WNT5B: variants seen among roughly 807,000 people sequenced by gnomAD.
WNT5B encodes Wnt family member 5B.
WNT5B carries 18 observed loss-of-function variants against 36.5 expected under a neutral mutation model. The ratio of observed to expected loss-of-function variants is 0.49; its 90% CI spans 0.34 to 0.73. The LOEUF (loss-of-function observed/expected upper bound fraction) is 0.73. Among genes scored for constraint, WNT5B ranks in the 30% least tolerant of loss-of-function variants. The probability of loss-of-function intolerance (pLI) is 0.01; values close to 1 mark genes in which losing one functional copy is unlikely to be tolerated. For missense variants in WNT5B, 424 were observed against 508.4 expected, an observed-to-expected ratio of 0.83 and a Z score of 1.60; for synonymous variants, 213 against 212.3, an observed-to-expected ratio of 1.00 and a Z score of -0.03.
At chr12:1,628,418 G>A (rs576993960), upstream of WNT5B, among the ~76,000 whole-genome samples, 124 of 152,182 alleles carry the variant, frequency 8.1e-4, no homozygotes, top group Middle Eastern at 3.4e-3. Context: ...TTGGCCCCCC[G>A]AAGAGCCCCG....
At chr12:1,636,502 T>C (rs1395313474) in intron 3 of WNT5B, among the ~76,000 whole-genome samples, 44 of 3,704 alleles carry the variant, frequency 0.012, no homozygotes, top group African/African-American at 0.022. Context: ...GCAGTCTATA[T>C]ATATATATAT....
chr12:1,642,785 C>T (rs1003866130), intron 4 of WNT5B, among the ~76,000 whole-genome samples: 1 of 152,206 alleles, frequency 6.6e-6, no homozygotes. Context: ...GGCTTGCTCA[C>T]CTTCCCTGTC....
chr12:1,626,082 G>A (rs1336232895), upstream of WNT5B, among the ~76,000 whole-genome samples: 2 of 149,424 alleles, frequency 1.3e-5, no homozygotes, highest in Non-Finnish European at 3.0e-5. Context: ...GGGCTCAAGC[G>A]ATCCTCTGGC....
At chr12:1,619,522 CATTGGTA>C (rs1213711015) in intron 1 of WNT5B, among the ~76,000 whole-genome samples, 1 of 152,134 alleles carries the variant, frequency 6.6e-6, no homozygotes, top group African/African-American at 2.4e-5. Context: ...CAGATAAAGT[CATTGGTA>C]CATTATTGGA....
rs916983282 is a variant in WNT5B at position 1,632,950 on chromosome 12, T to C, written c.328+45T>C. The C allele has an allele frequency of 1.3e-6, 2 of 1,563,184 alleles. No homozygotes were observed. Among genetic ancestry groups the C allele is most frequent in the Admixed American group, 3.5e-5 (2 of 57,044 alleles). On this transcript the variant is annotated intron_variant, in intron 3 of 4. Transcript: ENST00000397196. The surrounding 1 kb of genome is among the most constrained non-coding windows in gnomAD (Gnocchi z 5.8). The stretch of plus-strand genomic sequence containing the variant: ...GGGCTCGGCCAAGGAACTGCACTCG[T>C]CTCGTTTGGGAGCAATTAAGCTCTC...
rs1471314273 is a variant in WNT5B, at chr12:1,633,469, AG to A, written c.328+565del. 6.6e-6 allele frequency among the ~76,000 whole-genome samples: 1 copy of A among 152,176 alleles called. No individual in the cohort carries two copies. The highest frequency in any genetic ancestry group is 1.9e-4 in the East Asian group (1 of 5,192). On this transcript the variant is annotated intron_variant, in intron 3 of 4. Transcript: ENST00000397196. The surrounding 1 kb of genome is among the most constrained non-coding windows in gnomAD (Gnocchi z 4.8). ...AACATGGGGGAAGGGGTCAGACGAA[AG>A]AAAAGATGAGAGGGAGAGGGCCAAG...
chr12:1,641,700 AG>A (rs942477165), intron 4 of WNT5B, among the ~76,000 whole-genome samples: 1 of 152,008 alleles, frequency 6.6e-6, no homozygotes, highest in Non-Finnish European at 1.5e-5. Flanking sequence ...GCTACTTGGG[AG>A]GCCGAGGCAG....
chr12:1,637,174 C>T (rs1340936863), intron 3 of WNT5B, among the ~76,000 whole-genome samples: 3 of 152,090 alleles, frequency 2.0e-5, no homozygotes, highest in Non-Finnish European at 4.4e-5. Flanking sequence ...AATAATATTC[C>T]ATTGTATGGA....
In WNT5B at chr12:1,644,324, T is replaced by C. The variant is rs2094581390; in HGVS notation, c.622-1470T>C. Among the ~76,000 whole-genome samples, 1 of 152,192 alleles carries C rather than the reference T, an allele frequency of 6.6e-6. No individual in the cohort carries two copies. Among genetic ancestry groups the C allele is most frequent in the African/African-American group, 2.4e-5 (1 of 41,452 alleles). On this transcript the variant is annotated intron_variant, in intron 4 of 4. Transcript: ENST00000397196. The surrounding 1 kb of genome is among the most constrained non-coding windows in gnomAD (Gnocchi z 5.1). ...TTGGGGAGAGCCTTCCTTCCTCCTC[T>C]GCTCTAAGCCAGCTTTAAGCCCCGA...
At chr12:1,639,606 G>C (rs543208410) in intron 3 of WNT5B, 78 bp from the exon 4 acceptor site, 21 of 1,418,376 alleles carry the variant, frequency 1.5e-5, no homozygotes, top group Non-Finnish European at 1.7e-5. Flanking sequence ...GTGCGGGTCC[G>C]TCGGGGGAGA....
At chr12:1,639,155 T>A (rs961717295) in intron 3 of WNT5B, among the ~76,000 whole-genome samples, 4 of 151,950 alleles carry the variant, frequency 2.6e-5, no homozygotes, top group Admixed American at 6.6e-5. Flanking sequence ...TTCTTTTTTT[T>A]GAGACAGAGT....
In WNT5B at chr12:1,618,123, CAGTG is replaced by C. The variant is rs1184335279; in HGVS notation, c.-58+983_-58+986del. Among the ~76,000 whole-genome samples, 1 of 152,186 alleles carries C rather than the reference CAGTG, an allele frequency of 6.6e-6. No individual in the cohort carries two copies. The highest frequency in any genetic ancestry group is 1.5e-5 in the Non-Finnish European group (1 of 68,038). On this transcript the variant is annotated intron_variant, in intron 1 of 4. Coordinates refer to the WNT5B transcript ENST00000310594. The surrounding 1 kb of genome is among the most constrained non-coding windows in gnomAD (Gnocchi z 4.1). ...TGCCACCGTACTCCAGCCTGGGTGA[CAGTG>C]AGACGATGTCTCCAAAAAAGAAAAG...
chr12:1,639,665 C>CCCCGG lies in WNT5B; in HGVS notation c.329-17_329-16insCGGCC. The CCCCGG allele has an allele frequency of 3.3e-6, 5 of 1,510,538 alleles. 1 individual carries two copies. The East Asian group carries it at 7.2e-5, about 22-fold the overall frequency. The allele number at this position is 1,510,538 out of a possible 1,614,324, so 93.6% of individuals were successfully genotyped here. A position where few individuals can be genotyped will look rare whatever the true frequency, so the allele number is the denominator to read the frequency against. On this transcript the variant is annotated intron_variant, in intron 3 of 4. Transcript: ENST00000397196. ...GAGAGGAGAGCGCACCCGCTTACCG[C>CCCCGG]CCTGGCCTCATTCTGCAGGCAGCCG... is the stretch of plus-strand genomic sequence containing the variant.
chr12:1,627,928 C>T (rs1189625147), upstream of WNT5B, among the ~76,000 whole-genome samples: 3 of 152,130 alleles, frequency 2.0e-5, no homozygotes, highest in African/African-American at 7.2e-5. The surrounding 1 kb of genome is among the most constrained non-coding windows in gnomAD (Gnocchi z 5.0). Context: ...TGTTCACTGC[C>T]ATGTCTCTGG....
chr12:1,637,769 G>A (rs946753640), intron 3 of WNT5B, among the ~76,000 whole-genome samples: 3 of 150,992 alleles, frequency 2.0e-5, no homozygotes, highest in Admixed American at 2.0e-4. Flanking sequence ...AAAAAGTTAT[G>A]TTTACACTAT....
chr12:1,639,456 G>T (rs1775194523), intron 3 of WNT5B, among the ~76,000 whole-genome samples: 1 of 151,998 alleles, frequency 6.6e-6, no homozygotes, highest in Non-Finnish European at 1.5e-5. Flanking sequence ...TTTTCTTCCG[G>T]GTGGTTTCGC....
At chr12:1,645,204 T>G (rs2154439919) in intron 4 of WNT5B, 1 of 152,552 alleles carries the variant, frequency 6.6e-6, no homozygotes, top group South Asian at 2.1e-4. Context: ...GTGCTCCTAT[T>G]ACGCAAAAGC....
chr12:1,632,940 A>T lies in WNT5B; in HGVS notation c.328+35A>T. 6.3e-7 allele frequency: 1 copy of T among 1,576,668 alleles called. No individual in the cohort carries two copies. The highest frequency in any genetic ancestry group is 8.6e-7 in the Non-Finnish European group (1 of 1,156,290). Reference sequence around the variant, plus strand: ...CATTACAAGAGGGCTCGGCCAAGGAACTGCACTCGTCTCGTTTGGGAGCAA... The same window carrying T: ...CATTACAAGAGGGCTCGGCCAAGGATCTGCACTCGTCTCGTTTGGGAGCAA... On this transcript the variant is annotated intron_variant, in intron 3 of 4. Transcript: ENST00000397196. The surrounding 1 kb of genome is among the most constrained non-coding windows in gnomAD (Gnocchi z 5.8).
chr12:1,639,764 G>A lies in WNT5B; in HGVS notation c.409G>A (p.Glu137Lys), dbSNP rs771228804. The A allele has an allele frequency of 1.9e-6, 3 of 1,608,322 alleles. No individual in the cohort carries two copies. The highest frequency in any genetic ancestry group is 2.2e-5 in the South Asian group (2 of 90,640). ...NAISRACREG[E>K]LSTCGCSRTA... Reference sequence around the variant, plus strand: ...CATCAGCCGGGCCTGCCGCGAGGGCGAGCTCTCCACCTGCGGCTGCAGCCG... The same window carrying A: ...CATCAGCCGGGCCTGCCGCGAGGGCAAGCTCTCCACCTGCGGCTGCAGCCG... The change falls in exon 4 of 5, where the codon GAG becomes AAG. Residue 137 changes from glutamate to lysine, a missense_variant. Transcript: ENST00000397196.
Sources: allele counts gnomAD v4.1 joint callset (sites outside exome capture counted in the v4.1 genomes callset), GRCh38; gene constraint gnomAD v4.1.1; non-coding constraint Gnocchi (gnomAD v3.1); transcripts MANE v1.5; gene names NCBI Gene and HGNC (gene_info 2026-07-23, HGNC 2026-07-21).